CCNYL1: variants seen among roughly 807,000 people sequenced by gnomAD.
CCNYL1 encodes cyclin Y like 1, also known as cyclin-Y-like protein 1.
Under a neutral mutation model 44.2 loss-of-function variants are expected in CCNYL1, and 16 were observed. That is an observed-to-expected ratio of 0.36 (90% confidence interval 0.25 to 0.55). CCNYL1 has a LOEUF of 0.55. Ranked by LOEUF, CCNYL1 falls within the 20% of genes least tolerant of loss-of-function variation. CCNYL1 has a pLI of 0.85. For missense variants in CCNYL1, 348 were observed against 451.8 expected, an observed-to-expected ratio of 0.77 and a Z score of 2.08; for synonymous variants, 159 against 163.2, an observed-to-expected ratio of 0.97 and a Z score of 0.20.
chr2:207,731,166 CATTA>C (rs1468349198), intron 3 of CCNYL1, among the ~76,000 whole-genome samples: 2 of 151,554 alleles, frequency 1.3e-5, no homozygotes, highest in African/African-American at 2.4e-5. Context: ...AATTAAAAGT[CATTA>C]ATTCTTTTTT....
At chr2:207,723,704 C>T (rs1453005222) in intron 1 of CCNYL1, among the ~76,000 whole-genome samples, 4 of 151,732 alleles carry the variant, frequency 2.6e-5, no homozygotes, top group African/African-American at 4.8e-5. Flanking sequence ...GGTAAAACCC[C>T]GTCTCTACTA....
chr2:207,719,790 G>A (rs902758304), intron 1 of CCNYL1, among the ~76,000 whole-genome samples: 3 of 151,802 alleles, frequency 2.0e-5, no homozygotes, highest in African/African-American at 4.8e-5. Flanking sequence ...GTGCAGTGGT[G>A]TGATCATAGC....
At position 207,740,646 on chromosome 2, in the gene CCNYL1, A is replaced by G. The variant is rs1277931684; in HGVS notation, c.468-9A>G. The G allele has an allele frequency of 6.4e-7, 1 of 1,566,084 alleles. No homozygotes were observed. Among genetic ancestry groups the G allele is most frequent in the Non-Finnish European group, 8.8e-7 (1 of 1,137,882 alleles). On this transcript the variant is annotated splice_polypyrimidine_tract_variant and intron_variant, in intron 5 of 9. Transcript: ENST00000295414. ...ATTAACTTCTTCAATGCATATTCTTATTTTATAGAGATGCAAATAGATCCC... is the reference window on the plus strand; with the variant it reads ...ATTAACTTCTTCAATGCATATTCTTGTTTTATAGAGATGCAAATAGATCCC...
intron 9 of CCNYL1, 31 bp from the exon 10 acceptor site, chr2:207,753,557 T>C (rs1482463250): frequency 2.8e-6 from 4 of 1,445,656 alleles, no homozygotes; most frequent in Admixed American, 1.7e-5. Context: ...TTTAAAATTG[T>C]ACCTGTTTTC....
At chr2:207,735,592 G>A (rs1452619318) in intron 4 of CCNYL1, among the ~76,000 whole-genome samples, 1 of 152,156 alleles carries the variant, frequency 6.6e-6, no homozygotes, top group Non-Finnish European at 1.5e-5. Context: ...CAGGCTGGGC[G>A]TGGTGACTGA....
At chr2:207,720,187 CAA>C (rs747214958) in intron 1 of CCNYL1, among the ~76,000 whole-genome samples, 1 of 57,902 alleles carries the variant, frequency 1.7e-5, no homozygotes, top group Non-Finnish European at 3.2e-5. Flanking sequence ...GACTCCGTCT[CAA>C]AAAAAAAAAA....
chr2:207,712,999 A>G (rs2091563600), intron 1 of CCNYL1, among the ~76,000 whole-genome samples: 1 of 152,000 alleles, frequency 6.6e-6, no homozygotes, highest in South Asian at 2.1e-4. Context: ...AATTTTTAGT[A>G]GAGACGGGGT....
rs1482762813 is a variant in CCNYL1 at position 207,716,904 on chromosome 2, T to C, written c.220+4788T>C. Among the ~76,000 whole-genome samples, 5 of 152,144 alleles carry C rather than the reference T, an allele frequency of 3.3e-5. No homozygotes were observed. In the East Asian group the frequency reaches 9.6e-4, roughly 29 times the overall value. On this transcript the variant is annotated intron_variant, in intron 1 of 9. Coordinates refer to ENST00000295414, the MANE Select transcript of CCNYL1 (RefSeq NM_001330218.2). ...GCGGGTGGATCACGAGGTCAGGAGA[T>C]CGAGACCATCCTGGCTAACACGGTG...
Position 207,711,983 on chromosome 2 carries a change from G to C in CCNYL1, c.87G>C (p.Ala29=). The change falls in exon 1 of 10, where the codon GCG becomes GCC. Residue 29 remains alanine, a synonymous_variant. Transcript: ENST00000295414. The stretch of plus-strand genomic sequence containing the variant: ...CGGGGTCGGCGGAGCTGTACTGCGC[G>C]TCCGACATCTACGAGGCGGTGTCCG... ...RRAGSAELYC[A]SDIYEAVSGD... 2 of 1,453,566 alleles carry C rather than the reference G, an allele frequency of 1.4e-6. No individual in the cohort carries two copies. Among genetic ancestry groups the C allele is most frequent in the East Asian group, 2.8e-5 (1 of 35,730 alleles). 90.0% of individuals were successfully genotyped at this position (1,453,566 alleles called of 1,614,324 possible).
chr2:207,721,985 C>A (rs566376032), intron 1 of CCNYL1, among the ~76,000 whole-genome samples: 1 of 152,148 alleles, frequency 6.6e-6, no homozygotes, highest in South Asian at 2.1e-4. Flanking sequence ...CCTAAAACCC[C>A]TGAGTTGAGG....
intron 8 of CCNYL1, 193 bp from the exon 9 acceptor site, chr2:207,750,764 A>G (rs898476436): frequency 3.8e-5 from 19 of 496,036 alleles, no homozygotes; most frequent in Non-Finnish European, 5.6e-5. Context: ...TCCCAGTTCC[A>G]GAGTGCTGGG....
chr2:207,714,310 CTCT>C (rs2091575911), intron 1 of CCNYL1: 10 of 363,538 alleles, frequency 2.8e-5, no homozygotes, highest in Middle Eastern at 9.5e-4. Context: ...ACACTTACAT[CTCT>C]TTTTTTTTTT....
intron 1 of CCNYL1, among the ~76,000 whole-genome samples, chr2:207,718,418 G>C (rs1207285024): frequency 6.6e-6 from 1 of 151,858 alleles, no homozygotes. Context: ...TGAGGCAGGA[G>C]AATCTCCTGA....
At chr2:207,717,410 T>A (rs1317517735) in intron 1 of CCNYL1, among the ~76,000 whole-genome samples, 1 of 152,176 alleles carries the variant, frequency 6.6e-6, no homozygotes, top group Non-Finnish European at 1.5e-5. Flanking sequence ...GGCCAGGCTG[T>A]GTTCCAGATT....
Position 207,750,362 on chromosome 2 carries a change from G to A in CCNYL1, c.807-595G>A, listed in dbSNP as rs560228185. ...GCCCTTTGACATAGCCTCATGCGCC[G>A]GGACAGGGGGAGGGGATTCCCTTCC... On this transcript the variant is annotated intron_variant, in intron 8 of 9. Coordinates refer to ENST00000295414, the MANE Select transcript of CCNYL1 (RefSeq NM_001330218.2). Among the ~76,000 whole-genome samples the A allele has an allele frequency of 6.6e-5, 10 of 152,228 alleles. No homozygotes were observed. The East Asian group carries it at 1.2e-3, about 18-fold the overall frequency.
chr2:207,744,559 C>G (rs1012009720), intron 7 of CCNYL1, among the ~76,000 whole-genome samples: 2 of 150,760 alleles, frequency 1.3e-5, no homozygotes, highest in African/African-American at 4.9e-5. Flanking sequence ...AAGTAGAGAC[C>G]GGGCTTCGCC....
intron 1 of CCNYL1, among the ~76,000 whole-genome samples, chr2:207,722,560 C>G (rs1266782237): frequency 1.3e-5 from 2 of 151,918 alleles, no homozygotes; most frequent in African/African-American, 4.8e-5. Flanking sequence ...GACATAGGTA[C>G]TGATTCATAA....
In CCNYL1 at chr2:207,755,584, G is replaced by A. The variant is rs2091926387; in HGVS notation, c.*1886G>A. On this transcript the variant is annotated 3_prime_UTR_variant, in exon 10 of 10. Coordinates refer to ENST00000295414, the MANE Select transcript of CCNYL1 (RefSeq NM_001330218.2). The stretch of plus-strand genomic sequence containing the variant: ...CGCAGTTTCTTTAAAGGAAGATTTT[G>A]AAGAGCAGTGTTAATTAACATGTAA... 1 of 152,184 alleles carries A rather than the reference G, an allele frequency of 6.6e-6. No homozygotes were observed. Among genetic ancestry groups the A allele is most frequent in the Non-Finnish European group, 1.5e-5 (1 of 68,036 alleles). The allele number at this position is 152,184 out of a possible 1,614,324, so 9.4% of individuals were successfully genotyped here.
rs188481826 is a variant in CCNYL1, at chr2:207,729,052, G to A, written c.330+2176G>A. 1.8e-4 allele frequency among the ~76,000 whole-genome samples: 28 copies of A among 151,970 alleles called. No individual in the cohort carries two copies. In the East Asian group the frequency reaches 5.0e-3, roughly 27 times the overall value. ...GACCTTGTGATCTGCCCGCCTCGGCGTCCCAAAGTGTTGGGATTACAGGCA... is the reference window on the plus strand; with the variant it reads ...GACCTTGTGATCTGCCCGCCTCGGCATCCCAAAGTGTTGGGATTACAGGCA... On this transcript the variant is annotated intron_variant, in intron 3 of 9. Transcript: ENST00000295414.
Sources: gnomAD v4.1 joint callset for allele counts (sites outside exome capture counted in the v4.1 genomes callset) on GRCh38, gnomAD v4.1.1 for gene constraint, MANE v1.5 for transcripts, NCBI Gene and HGNC (gene_info 2026-07-23, HGNC 2026-07-21) for gene names.